Variants in SDHAF4 observed in about 807,000 individuals in gnomAD.
The protein encoded by SDHAF4 is succinate dehydrogenase complex assembly factor 4.
Under a neutral mutation model 14.3 loss-of-function variants are expected in SDHAF4, and 14 were observed. The ratio of observed to expected loss-of-function variants is 0.98; its 90% CI spans 0.65 to 1.53. The LOEUF (loss-of-function observed/expected upper bound fraction) is 1.53, where lower values mean the gene tolerates loss of function less well. Among genes scored for constraint, SDHAF4 ranks in the 40% most tolerant of loss-of-function variants. The pLI is 0.00. For missense variants in SDHAF4, 141 were observed against 129.3 expected, an observed-to-expected ratio of 1.09 and a Z score of -0.44; for synonymous variants, 63 against 47.3, an observed-to-expected ratio of 1.33 and a Z score of -1.36.
At chr6:70,584,048 C>T (rs1312532370) in intron 2 of SDHAF4, among the ~76,000 whole-genome samples, 2 of 151,978 alleles carry the variant, frequency 1.3e-5, no homozygotes, top group South Asian at 2.1e-4. Context: ...TTGTTTGAGA[C>T]GGAGTCTTGC....
the SDHAF4 span, among the ~76,000 whole-genome samples, chr6:70,595,260 T>A: frequency 6.6e-6 from 1 of 152,034 alleles, no homozygotes; most frequent in African/African-American, 2.4e-5. Context: ...GGAAGAAAGG[T>A]TTTGCAAAAC....
chr6:70,591,127 A>C (rs374786307), downstream of SDHAF4, among the ~76,000 whole-genome samples: 2 of 152,068 alleles, frequency 1.3e-5, no homozygotes, highest in South Asian at 2.1e-4. Flanking sequence ...TGCTAATCTC[A>C]TTCAGAAACA....
At chr6:70,582,012 G>A (rs116456544) in intron 2 of SDHAF4, among the ~76,000 whole-genome samples, 1,956 of 152,148 alleles carry the variant, frequency 0.013, 31 homozygotes, top group African/African-American at 0.044. Context: ...TATTTGCCAG[G>A]CCTCTGTTCT....
chr6:70,594,063 T>C (rs2128537174), downstream of SDHAF4, among the ~76,000 whole-genome samples: 1 of 152,278 alleles, frequency 6.6e-6, no homozygotes, highest in East Asian at 1.9e-4. Context: ...TCCATTTTGC[T>C]CTCCTATTTT....
At chr6:70,576,674 C>T (rs952493826) in intron 1 of SDHAF4, among the ~76,000 whole-genome samples, 1 of 152,172 alleles carries the variant, frequency 6.6e-6, no homozygotes, top group African/African-American at 2.4e-5. Flanking sequence ...AATGAAAAAA[C>T]ATTCTAATAT....
At chr6:70,589,738 C>T (rs944341763), downstream of SDHAF4, among the ~76,000 whole-genome samples, 1 of 152,102 alleles carries the variant, frequency 6.6e-6, no homozygotes, top group Non-Finnish European at 1.5e-5. Flanking sequence ...CTTCTTACTA[C>T]CTATGTGACC....
At chr6:70,585,925 G>A (rs1450050988) in intron 2 of SDHAF4, among the ~76,000 whole-genome samples, 1 of 152,108 alleles carries the variant, frequency 6.6e-6, no homozygotes, top group East Asian at 1.9e-4. Flanking sequence ...TGCTATGCAG[G>A]ATAAAATAAA....
At chr6:70,594,472 GCACATT>G (rs1232230815), downstream of SDHAF4, among the ~76,000 whole-genome samples, 2 of 152,142 alleles carry the variant, frequency 1.3e-5, no homozygotes, top group Non-Finnish European at 2.9e-5. Context: ...ACCTGAGCTA[GCACATT>G]TGGCCACCTC....
the SDHAF4 span, among the ~76,000 whole-genome samples, chr6:70,598,384 A>G: frequency 6.6e-6 from 1 of 152,206 alleles, no homozygotes; most frequent in Non-Finnish European, 1.5e-5. Context: ...GTCTGAAAAA[A>G]ATAAAAATAA....
chr6:70,588,730 A>G lies in SDHAF4; in HGVS notation c.*6A>G, dbSNP rs768590845. 5 of 1,539,828 alleles carry G rather than the reference A, an allele frequency of 3.2e-6. No individual in the cohort carries two copies. The highest frequency in any genetic ancestry group is 1.4e-5 in the African/African-American group (1 of 73,044). On this transcript the variant is annotated 3_prime_UTR_variant, in exon 3 of 3. Coordinates refer to ENST00000370474, the MANE Select transcript of SDHAF4 (RefSeq NM_145267.3). Reference sequence around the variant, plus strand: ...GACGCTGTATTGATTTTTAAGTCGCATATTCTTTAACTTCAATATTGTTTT... The same window carrying G: ...GACGCTGTATTGATTTTTAAGTCGCGTATTCTTTAACTTCAATATTGTTTT...
Position 70,572,806 on chromosome 6 carries a change from G to A in SDHAF4, c.64+5802G>A, listed in dbSNP as rs566554630. 1.4e-4 allele frequency among the ~76,000 whole-genome samples: 22 copies of A among 152,136 alleles called. No individual in the cohort carries two copies. The South Asian group carries it at 2.7e-3, about 19-fold the overall frequency. ...TACATTCCTCTGTTCAGACTCGTGG[G>A]TCTGTGTGTGTGTGCACATGCATGC... On this transcript the variant is annotated intron_variant, in intron 1 of 2. Transcript: ENST00000370474.
chr6:70,587,471 G>A (rs542869476), intron 2 of SDHAF4, among the ~76,000 whole-genome samples: 1 of 152,162 alleles, frequency 6.6e-6, no homozygotes. Flanking sequence ...CTCCAGCAGG[G>A]CAACAGAGCT....
At chr6:70,569,506 A>G (rs1802153396) in intron 1 of SDHAF4, among the ~76,000 whole-genome samples, 1 of 152,082 alleles carries the variant, frequency 6.6e-6, no homozygotes, top group South Asian at 2.1e-4. Flanking sequence ...GGCCTACCGA[A>G]GTGTTGGGAT....
At chr6:70,580,394 G>T (rs913508736) in intron 2 of SDHAF4, among the ~76,000 whole-genome samples, 1 of 152,172 alleles carries the variant, frequency 6.6e-6, no homozygotes, top group Non-Finnish European at 1.5e-5. Context: ...GTAAAATGTT[G>T]CAGCCACTGT....
chr6:70,570,078 T>C (rs1223608316), intron 1 of SDHAF4, among the ~76,000 whole-genome samples: 2 of 152,216 alleles, frequency 1.3e-5, no homozygotes, highest in Admixed American at 6.5e-5. Flanking sequence ...TCTTGGCTCT[T>C]TTCTCAGTCC....
intron 1 of SDHAF4, among the ~76,000 whole-genome samples, chr6:70,573,896 G>A (rs1283298630): frequency 1.3e-5 from 2 of 151,594 alleles, no homozygotes; most frequent in African/African-American, 2.4e-5. Context: ...GGCTGGTCTG[G>A]AACTCCTGAC....
the SDHAF4 span, among the ~76,000 whole-genome samples, chr6:70,597,614 A>T: frequency 6.6e-6 from 1 of 152,180 alleles, no homozygotes; most frequent in Admixed American, 6.5e-5. Flanking sequence ...AACAAACCAA[A>T]GGGAACTTCC....
At chr6:70,577,604 G>T (rs1226890265) in intron 1 of SDHAF4, among the ~76,000 whole-genome samples, 1 of 152,162 alleles carries the variant, frequency 6.6e-6, no homozygotes, top group African/African-American at 2.4e-5. Flanking sequence ...GTGCAGGTTT[G>T]TTACCTGGGT....
downstream of SDHAF4, among the ~76,000 whole-genome samples, chr6:70,593,583 A>G (rs549622744): frequency 7.9e-5 from 12 of 152,364 alleles, no homozygotes; most frequent in Admixed American, 7.8e-4. Flanking sequence ...AAGCAAAGCC[A>G]TAGGCATGAG....
Sources: gnomAD v4.1 joint callset for allele counts (sites outside exome capture counted in the v4.1 genomes callset) on GRCh38, gnomAD v4.1.1 for gene constraint, MANE v1.5 for transcripts, NCBI Gene and HGNC (gene_info 2026-07-23, HGNC 2026-07-21) for gene names.